The following NLGN1 variants were observed in gnomAD, a reference collection of about 807,000 sequenced individuals.
NLGN1 encodes the protein neuroligin-1.
Under a neutral mutation model 65.5 loss-of-function variants are expected in NLGN1, and 12 were observed. The observed-to-expected ratio is 0.18, with a 90% CI of 0.12 to 0.30. NLGN1 has a LOEUF of 0.30. Ranked by LOEUF, NLGN1 falls within the 10% of genes least tolerant of loss-of-function variation. NLGN1 has a pLI of 1.00. For synonymous variants in NLGN1, 350 were observed against 359.5 expected (o/e 0.97, Z 0.30); for missense variants, 750 against 1,007.1 (o/e 0.74, Z 3.46).
chr3:173,955,180 T>C (rs570702047), intron 4 of NLGN1, among the ~76,000 whole-genome samples: 1 of 152,322 alleles, frequency 6.6e-6, no homozygotes, highest in East Asian at 1.9e-4. Context: ...TTTTTTGAAA[T>C]GTTTCAGCCA....
intron 4 of NLGN1, among the ~76,000 whole-genome samples, chr3:174,048,598 G>A (rs1734148065): frequency 6.6e-6 from 1 of 151,800 alleles, no homozygotes; most frequent in African/African-American, 2.4e-5. Context: ...ATTTATCCTG[G>A]GGGAAATCTG....
chr3:173,923,573 AG>A (rs1201400140), intron 4 of NLGN1, among the ~76,000 whole-genome samples: 2 of 152,150 alleles, frequency 1.3e-5, no homozygotes, highest in African/African-American at 2.4e-5. Context: ...TCCAAGACAA[AG>A]AAATTTTGAG....
intron 3 of NLGN1, among the ~76,000 whole-genome samples, chr3:173,607,299 A>G (rs1270291330): frequency 6.6e-6 from 1 of 151,952 alleles, no homozygotes; most frequent in Non-Finnish European, 1.5e-5. Flanking sequence ...TGAGGACAAC[A>G]TCTATCAATG....
chr3:174,128,470 G>A (rs1553940666), intron 4 of NLGN1, among the ~76,000 whole-genome samples: 1 of 152,010 alleles, frequency 6.6e-6, no homozygotes, highest in South Asian at 2.1e-4. Flanking sequence ...TCCTTACAAC[G>A]GCTCAGTTGA....
chr3:174,099,876 C>T (rs988587341), intron 4 of NLGN1, among the ~76,000 whole-genome samples: 2 of 152,112 alleles, frequency 1.3e-5, no homozygotes, highest in South Asian at 2.1e-4. Flanking sequence ...GAGTGTTTCT[C>T]GACGTCCACG....
At chr3:173,930,693 G>A (rs1442546824) in intron 4 of NLGN1, among the ~76,000 whole-genome samples, 1 of 152,096 alleles carries the variant, frequency 6.6e-6, no homozygotes, top group Non-Finnish European at 1.5e-5. Flanking sequence ...ATTCATCCTG[G>A]TGCTTCGGAA....
At chr3:174,201,289 G>A (rs566161013) in intron 4 of NLGN1, among the ~76,000 whole-genome samples, 5 of 134,180 alleles carry the variant, frequency 3.7e-5, no homozygotes, top group South Asian at 2.8e-4. Context: ...GGAAAGGAAC[G>A]GAAAGGGGGA....
chr3:173,464,992 C>T (rs1724082945), intron 2 of NLGN1, among the ~76,000 whole-genome samples: 1 of 152,098 alleles, frequency 6.6e-6, no homozygotes, highest in South Asian at 2.1e-4. Flanking sequence ...TCAACTTCTA[C>T]TTAAGCTTTC....
intron 3 of NLGN1, among the ~76,000 whole-genome samples, chr3:173,610,892 C>T (rs1752175152): frequency 6.6e-6 from 1 of 151,882 alleles, no homozygotes; most frequent in African/African-American, 2.4e-5. Flanking sequence ...ATAGAGGTTG[C>T]TTTTGTTACG....
chr3:174,282,592 T>C (rs1383614458), exon 7 of NLGN1: 3 of 152,170 alleles, frequency 2.0e-5, no homozygotes, highest in Non-Finnish European at 3.0e-5. Context: ...CTTACACATA[T>C]GTGTGATTTT....
At chr3:174,207,280 C>T (rs917041522) in intron 4 of NLGN1, among the ~76,000 whole-genome samples, 13 of 151,718 alleles carry the variant, frequency 8.6e-5, no homozygotes, top group Admixed American at 2.0e-4. Context: ...GCTGGTGTAC[C>T]GCTCTCTCCC....
chr3:174,054,982 A>G (rs1033258701), intron 4 of NLGN1, among the ~76,000 whole-genome samples: 6 of 151,794 alleles, frequency 4.0e-5, no homozygotes, highest in East Asian at 1.9e-4. Flanking sequence ...CTAATCTTCT[A>G]CTAGTCTGTT....
intron 2 of NLGN1, among the ~76,000 whole-genome samples, chr3:173,496,013 T>A (rs1729966871): frequency 6.6e-6 from 1 of 151,860 alleles, no homozygotes; most frequent in Non-Finnish European, 1.5e-5. Context: ...TCTTTTTTTT[T>A]ATATTGCTAA....
At chr3:173,707,223 A>C (rs375527873) in intron 3 of NLGN1, among the ~76,000 whole-genome samples, 72 of 152,302 alleles carry the variant, frequency 4.7e-4, no homozygotes, top group African/African-American at 1.6e-3. Flanking sequence ...TGTTGTGTAC[A>C]TATGGATTTC....
At chr3:173,416,295 A>T (rs1713779337) in intron 1 of NLGN1, among the ~76,000 whole-genome samples, 1 of 152,180 alleles carries the variant, frequency 6.6e-6, no homozygotes. Flanking sequence ...TTCATTTGCA[A>T]AATAGAGATA....
intron 4 of NLGN1, among the ~76,000 whole-genome samples, chr3:174,030,145 G>A (rs1201778288): frequency 8.9e-6 from 1 of 112,618 alleles, no homozygotes; most frequent in Admixed American, 9.9e-5. Context: ...TTTTTTTTGA[G>A]ACAGAGTTTT....
intron 4 of NLGN1, among the ~76,000 whole-genome samples, chr3:174,173,790 A>G (rs1728966529): frequency 6.6e-6 from 1 of 151,978 alleles, no homozygotes; most frequent in Non-Finnish European, 1.5e-5. Context: ...AAGAAAATCT[A>G]CATTTTTATG....
At chr3:173,401,741 C>G (rs1007578460) in intron 1 of NLGN1, among the ~76,000 whole-genome samples, 1 of 152,006 alleles carries the variant, frequency 6.6e-6, no homozygotes, top group Non-Finnish European at 1.5e-5. Context: ...TAGTGTTTGC[C>G]GTGATGGCAG....
chr3:174,142,412 T>G (rs185136517), intron 4 of NLGN1, among the ~76,000 whole-genome samples: 30 of 152,322 alleles, frequency 2.0e-4, no homozygotes, highest in Non-Finnish European at 1.8e-4. Context: ...TTGATCACAC[T>G]TTTGACCTGA....
Sources: allele counts gnomAD v4.1 joint callset (sites outside exome capture counted in the v4.1 genomes callset), GRCh38; gene constraint gnomAD v4.1.1; transcripts MANE v1.5; gene names NCBI Gene and HGNC (gene_info 2026-07-23, HGNC 2026-07-21).